The following TSBP1 variants were observed in gnomAD, a reference collection of about 807,000 sequenced individuals.
TSBP1 encodes the protein testis expressed basic protein 1.
TSBP1 carries 56 observed loss-of-function variants against 68.8 expected under a neutral mutation model. That is an observed-to-expected ratio of 0.81 (90% CI 0.66 to 1.02). The LOEUF (loss-of-function observed/expected upper bound fraction) is 1.02. Ranked by LOEUF, TSBP1 falls within the 50% of genes least tolerant of loss-of-function variation. The probability of loss-of-function intolerance (pLI) is 0.00; values close to 1 mark genes in which losing one functional copy is unlikely to be tolerated. For missense variants in TSBP1, 502 were observed against 641.2 expected, an observed-to-expected ratio of 0.78 and a Z score of 2.34; for synonymous variants, 171 against 208.7, an observed-to-expected ratio of 0.82 and a Z score of 1.56.
In TSBP1 at chr6:32,331,398, A is replaced by G. The variant is rs1022252209; in HGVS notation, c.493+636T>C. Among the ~76,000 whole-genome samples, 12 of 152,324 alleles carry G rather than the reference A, an allele frequency of 7.9e-5. No individual in the cohort carries two copies. In the East Asian group the frequency reaches 2.3e-3, roughly 29 times the overall value. ...CTATTATGAATTTTAAGGTAATGGA[A>G]TTTCCATTTTCTAAAATATAATTGG... On this transcript the variant is annotated intron_variant, in intron 15 of 22. Coordinates refer to ENST00000612031, the Ensembl canonical transcript of TSBP1.
rs9279582 is a variant in TSBP1 at position 32,330,635 on chromosome 6, AACACACAC to A, written c.494-34_494-27del. The A allele has an allele frequency of 2.1e-3, 2,342 of 1,134,024 alleles. 9 individuals carry two copies. The highest frequency in any genetic ancestry group is 0.013 in the South Asian group (866 of 64,364). The allele number at this position is 1,134,024 out of a possible 1,614,324, so 70.2% of individuals were successfully genotyped here. A position where few individuals can be genotyped will look rare whatever the true frequency, so the allele number is the denominator to read the frequency against. ...CTAAAAAATAGAAACAAACAAATTA[AACACACAC>A]ACACACACACACACACACACACACA... On this transcript the variant is annotated intron_variant, in intron 15 of 22. Coordinates refer to ENST00000612031, the Ensembl canonical transcript of TSBP1.
chr6:32,301,201 G>C (rs1023860376), intron 20 of TSBP1, among the ~76,000 whole-genome samples: 8 of 151,796 alleles, frequency 5.3e-5, no homozygotes, highest in African/African-American at 1.9e-4. Context: ...GCTAATTTTT[G>C]TATTTTTTTG....
intron 20 of TSBP1, among the ~76,000 whole-genome samples, chr6:32,301,455 G>C (rs1405796417): frequency 6.6e-6 from 1 of 151,998 alleles, no homozygotes; most frequent in East Asian, 1.9e-4. Flanking sequence ...GCTCATGCCT[G>C]TAATCCCAGC....
Position 32,300,667 on chromosome 6 carries a change from G to T in TSBP1, c.622+13C>A, listed in dbSNP as rs932770762. ...ACAGAAATAGGTAAGGCAAGGAAAT[G>T]ATCCAAACTTACTGATTTTTCCAGA... is the stretch of plus-strand genomic sequence containing the variant. On this transcript the variant is annotated intron_variant, in intron 21 of 22. Transcript: ENST00000612031. The T allele has an allele frequency of 1.2e-6, 2 of 1,612,054 alleles. No individual in the cohort carries two copies. Among genetic ancestry groups the T allele is most frequent in the Admixed American group, 3.3e-5 (2 of 60,018 alleles).
Position 32,365,471 on chromosome 6 carries a change from G to T in TSBP1, c.217+696C>A. On this transcript the variant is annotated intron_variant, in intron 6 of 22. Transcript: ENST00000612031. The surrounding 1 kb of genome is among the most constrained non-coding windows in gnomAD (Gnocchi z 4.3). ...ATAGGTCACGCATCTCAAATGGCAG[G>T]CTTTCTGATGAGGCTTTCTGATGAG... 2.2e-6 allele frequency: 1 copy of T among 456,766 alleles called. No individual in the cohort carries two copies. Among genetic ancestry groups the T allele is most frequent in the South Asian group, 1.5e-5 (1 of 64,552 alleles). 28.3% of individuals were successfully genotyped at this position (456,766 alleles called of 1,614,324 possible).
At chr6:32,323,664 T>C in intron 16 of TSBP1, 50 bp from the exon 18 acceptor site, 1 of 1,575,762 alleles carries the variant, frequency 6.3e-7, no homozygotes, top group Non-Finnish European at 8.7e-7. Context: ...CCATGATATT[T>C]TCCTTTCTAT....
rs1258890205 is a variant in TSBP1 at position 32,302,665 on chromosome 6, C to G, written c.581-36G>C. Reference sequence around the variant, plus strand: ...AAACAAGAAAATAGGTTAATGGCAGCATTTTTGGAACAGAAGTACAGTTCT... The same window carrying G: ...AAACAAGAAAATAGGTTAATGGCAGGATTTTTGGAACAGAAGTACAGTTCT... On this transcript the variant is annotated intron_variant, in intron 19 of 22. Coordinates refer to ENST00000612031, the Ensembl canonical transcript of TSBP1. The surrounding 1 kb of genome is among the most constrained non-coding windows in gnomAD (Gnocchi z 5.1). The G allele has an allele frequency of 2.0e-6, 3 of 1,513,624 alleles. No individual in the cohort carries two copies. The South Asian group carries it at 3.7e-5, about 19-fold the overall frequency. The allele number at this position is 1,513,624 out of a possible 1,614,324, so 93.8% of individuals were successfully genotyped here. A position where few individuals can be genotyped will look rare whatever the true frequency, so the allele number is the denominator to read the frequency against.
exon 5 of TSBP1, chr6:32,366,294 G>A: frequency 6.2e-7 from 1 of 1,601,314 alleles, no homozygotes; most frequent in South Asian, 1.1e-5. Context: ...GAATATGCAT[G>A]TCGGGATCCT....
chr6:32,336,302 A>G lies in TSBP1; in HGVS notation c.430+313T>C, dbSNP rs1216014648. On this transcript the variant is annotated intron_variant, in intron 12 of 22. Coordinates refer to ENST00000612031, the Ensembl canonical transcript of TSBP1. This position sits in a 1 kb window ranked among gnomAD's most constrained non-coding sequence, Gnocchi z 5.2. The stretch of plus-strand genomic sequence containing the variant: ...CCCTTGCTGATGGATCATTATGACT[A>G]TTTCTAAGAGGGCTGTTTTGGTTTA... Among the ~76,000 whole-genome samples the G allele has an allele frequency of 6.6e-6, 1 of 152,116 alleles. No individual in the cohort carries two copies. Among genetic ancestry groups the G allele is most frequent in the African/African-American group, 2.4e-5 (1 of 41,414 alleles).
At chr6:32,328,322 A>G (rs1361462166) in intron 16 of TSBP1, among the ~76,000 whole-genome samples, 1 of 151,854 alleles carries the variant, frequency 6.6e-6, no homozygotes, top group Non-Finnish European at 1.5e-5. Flanking sequence ...ATCTCGGCTC[A>G]CTGCAACCTC....
Position 32,335,300 on chromosome 6 carries a change from G to T in TSBP1, c.472+137C>A. The T allele has an allele frequency of 1.5e-6, 1 of 667,354 alleles. No homozygotes were observed. Among genetic ancestry groups the T allele is most frequent in the Non-Finnish European group, 2.3e-6 (1 of 443,420 alleles). The allele number at this position is 667,354 out of a possible 1,614,324, so 41.3% of individuals were successfully genotyped here. A position where few individuals can be genotyped will look rare whatever the true frequency, so the allele number is the denominator to read the frequency against. On this transcript the variant is annotated intron_variant, in intron 14 of 22. Transcript: ENST00000612031. The surrounding 1 kb of genome is among the most constrained non-coding windows in gnomAD (Gnocchi z 5.5). ...TGCAGAACCTGGATGAGTCCAATCT[G>T]GAGTACTGGGTGAGATTATGAGGTG...
chr6:32,345,398 T>C (rs888703474), intron 9 of TSBP1, among the ~76,000 whole-genome samples: 2 of 152,092 alleles, frequency 1.3e-5, no homozygotes, highest in African/African-American at 4.8e-5. Context: ...AAGTATATAA[T>C]TCTCACCGAA....
At chr6:32,332,743 A>G (rs1769191739) in intron 14 of TSBP1, among the ~76,000 whole-genome samples, 1 of 151,548 alleles carries the variant, frequency 6.6e-6, no homozygotes, top group African/African-American at 2.4e-5. Flanking sequence ...TTGAGTAGCT[A>G]GGACTACAGC....
chr6:32,297,125 C>T lies in TSBP1; in HGVS notation c.637+2797G>A, dbSNP rs193147589. Among the ~76,000 whole-genome samples the T allele has an allele frequency of 1.6e-3, 250 of 152,224 alleles. 11 individuals carry two copies. The East Asian group carries it at 0.035, about 21-fold the overall frequency. ...CAGAAGTAAGCCACAAATCATTATT[C>T]CACCACATTCTAAGTTCTTTTCTTC... On this transcript the variant is annotated intron_variant, in intron 22 of 22. Coordinates refer to ENST00000612031, the Ensembl canonical transcript of TSBP1.
In TSBP1 at chr6:32,365,934, T is replaced by G. The variant is rs940741172; in HGVS notation, c.217+233A>C. On this transcript the variant is annotated intron_variant, in intron 6 of 22. Coordinates refer to ENST00000612031, the Ensembl canonical transcript of TSBP1. This position sits in a 1 kb window ranked among gnomAD's most constrained non-coding sequence, Gnocchi z 4.3. ...ATTTTGCTGATGCCTTTCTCTCATA[T>G]TACTTTTGTTAAATAATTAGGAGTT... The G allele has an allele frequency of 3.1e-6, 2 of 644,170 alleles. No homozygotes were observed. Among genetic ancestry groups the G allele is most frequent in the Non-Finnish European group, 5.7e-6 (2 of 351,736 alleles). 39.9% of individuals were successfully genotyped at this position (644,170 alleles called of 1,614,324 possible).
chr6:32,350,451 G>T (rs920255314), intron 8 of TSBP1, among the ~76,000 whole-genome samples: 1 of 152,156 alleles, frequency 6.6e-6, no homozygotes, highest in African/African-American at 2.4e-5. Context: ...GTAGAGCTGA[G>T]CTTGAAAACT....
In TSBP1 at chr6:32,306,258, G is replaced by A. The variant is rs1463357214; in HGVS notation, c.581-3629C>T. Among the ~76,000 whole-genome samples the A allele has an allele frequency of 2.0e-5, 3 of 152,118 alleles. No homozygotes were observed. Among genetic ancestry groups the A allele is most frequent in the Admixed American group, 6.6e-5 (1 of 15,260 alleles). On this transcript the variant is annotated intron_variant, in intron 19 of 22. Coordinates refer to ENST00000612031, the Ensembl canonical transcript of TSBP1. This position sits in a 1 kb window ranked among gnomAD's most constrained non-coding sequence, Gnocchi z 5.1. The stretch of plus-strand genomic sequence containing the variant: ...TAATTATGTTTTGTTAAAGATTTAC[G>A]GGAGCATTGTGACCTGACCAAGGAC...
At chr6:32,323,867 A>G in intron 16 of TSBP1, 2 of 514,354 alleles carry the variant, frequency 3.9e-6, no homozygotes, top group Non-Finnish European at 6.9e-6. Context: ...TAGCTGTACC[A>G]GGGAAAGGAG....
intron 9 of TSBP1, among the ~76,000 whole-genome samples, chr6:32,348,199 C>G (rs1176697137): frequency 2.0e-5 from 3 of 152,184 alleles, no homozygotes; most frequent in Non-Finnish European, 4.4e-5. Context: ...GCAAGCCTGC[C>G]TCACATGGGT....
Sources: gnomAD v4.1 joint callset for allele counts (sites outside exome capture counted in the v4.1 genomes callset) on GRCh38, gnomAD v4.1.1 for gene constraint, Gnocchi (gnomAD v3.1) non-coding constraint, MANE v1.5 for transcripts, NCBI Gene and HGNC (gene_info 2026-07-23, HGNC 2026-07-21) for gene names.